The following GALNTL6 variants were observed in gnomAD, a reference collection of about 807,000 sequenced individuals.
GALNTL6 encodes polypeptide N-acetylgalactosaminyltransferase-like 6.
A neutral mutation model predicts 73.7 loss-of-function variants in GALNTL6; 46 were observed. The ratio of observed to expected loss-of-function variants is 0.62; its 90% confidence interval spans 0.49 to 0.80. The LOEUF (loss-of-function observed/expected upper bound fraction) is 0.80. Among genes scored for constraint, GALNTL6 ranks in the 30% least tolerant of loss-of-function variants. The pLI is 0.00. For missense variants in GALNTL6, 604 were observed against 755.0 expected (o/e 0.80, Z 2.34); for synonymous variants, 259 against 263.7 (o/e 0.98, Z 0.17).
chr4:172,492,849 G>A lies in GALNTL6; in HGVS notation c.553+144160G>A, dbSNP rs376096764. Among the ~76,000 whole-genome samples, 7 of 152,156 alleles carry A rather than the reference G, an allele frequency of 4.6e-5. No individual in the cohort carries two copies. The South Asian group carries it at 1.0e-3, about 23-fold the overall frequency. ...ATTTATTAAATAAAAGTCATGGTTG[G>A]GGAAGTACGTTTATCCCAGTGTCTG... On this transcript the variant is annotated intron_variant, in intron 5 of 12. Transcript: ENST00000506823.
intron 5 of GALNTL6, among the ~76,000 whole-genome samples, chr4:172,767,626 C>T (rs1162735734): frequency 1.4e-5 from 2 of 147,118 alleles, no homozygotes; most frequent in Non-Finnish European, 1.5e-5. Context: ...GAAAATAATT[C>T]TAGGGTTGTT....
At chr4:171,836,197 A>G (rs956232439) in intron 2 of GALNTL6, among the ~76,000 whole-genome samples, 1 of 151,992 alleles carries the variant, frequency 6.6e-6, no homozygotes, top group Non-Finnish European at 1.5e-5. Context: ...GCTAGATGAA[A>G]CTATCTATTT....
chr4:172,382,430 C>A (rs1390671384), intron 5 of GALNTL6, among the ~76,000 whole-genome samples: 1 of 151,948 alleles, frequency 6.6e-6, no homozygotes, highest in Non-Finnish European at 1.5e-5. Flanking sequence ...TGTACTCCAG[C>A]CTTTTGCCTA....
At chr4:171,894,366 A>C (rs1356633158) in intron 2 of GALNTL6, among the ~76,000 whole-genome samples, 1 of 152,170 alleles carries the variant, frequency 6.6e-6, no homozygotes, top group Non-Finnish European at 1.5e-5. Flanking sequence ...GTGCATGTTG[A>C]TGCCATTATG....
chr4:172,720,513 C>G (rs1735404390), intron 5 of GALNTL6, among the ~76,000 whole-genome samples: 2 of 152,182 alleles, frequency 1.3e-5, no homozygotes, highest in South Asian at 4.1e-4. Context: ...TTACCCAGCT[C>G]CTATTCAAGA....
rs139984212 is a variant in GALNTL6 at position 171,839,760 on chromosome 4, G to A, written c.138+25042G>A. On this transcript the variant is annotated intron_variant, in intron 2 of 12. Coordinates refer to ENST00000506823, the MANE Select transcript of GALNTL6 (RefSeq NM_001034845.3). ...AAACTAAGTGGATGAAAATTCACAAGCAGAAAGGTGAAACCCAAGATTCCT... is the reference window on the plus strand; with the variant it reads ...AAACTAAGTGGATGAAAATTCACAAACAGAAAGGTGAAACCCAAGATTCCT... 8.4e-3 allele frequency among the ~76,000 whole-genome samples: 1,274 copies of A among 151,956 alleles called. 19 individuals are homozygous for A. The highest frequency in any genetic ancestry group is 0.029 in the African/African-American group (1,222 of 41,468).
intron 5 of GALNTL6, among the ~76,000 whole-genome samples, chr4:172,723,874 AT>A (rs1190544668): frequency 6.6e-6 from 1 of 152,172 alleles, no homozygotes; most frequent in Non-Finnish European, 1.5e-5. Context: ...AAAGAAATAT[AT>A]TTTTGAGCCA....
rs576937012 is a variant in GALNTL6, at chr4:172,873,879, T to G, written c.924-8911T>G. ...AAAAATCCATGCCACATGCAGTAAATTTTTGCTTGATATAAAGTGTCAGGA... is the reference window on the plus strand; with the variant it reads ...AAAAATCCATGCCACATGCAGTAAAGTTTTGCTTGATATAAAGTGTCAGGA... On this transcript the variant is annotated intron_variant, in intron 7 of 12. Transcript: ENST00000506823. 2.8e-4 allele frequency among the ~76,000 whole-genome samples: 42 copies of G among 152,236 alleles called. No homozygotes were observed. The South Asian group carries it at 8.3e-3, about 30-fold the overall frequency.
chr4:172,557,306 A>G (rs1232033917), intron 5 of GALNTL6, among the ~76,000 whole-genome samples: 1 of 152,180 alleles, frequency 6.6e-6, no homozygotes, highest in Non-Finnish European at 1.5e-5. Flanking sequence ...AGCCTTTTAG[A>G]AGAAAACATA....
intron 2 of GALNTL6, among the ~76,000 whole-genome samples, chr4:171,829,613 G>A (rs193250957): frequency 6.1e-4 from 93 of 152,070 alleles, no homozygotes; most frequent in East Asian, 3.3e-3. Context: ...TCTACTTTTC[G>A]TCAAGCGGTC....
chr4:172,544,799 T>A (rs1735688856), intron 5 of GALNTL6, among the ~76,000 whole-genome samples: 3 of 152,206 alleles, frequency 2.0e-5, no homozygotes, highest in Non-Finnish European at 4.4e-5. Context: ...ACTGTGGAAT[T>A]GTATGTGTGA....
intron 2 of GALNTL6, among the ~76,000 whole-genome samples, chr4:172,075,937 T>C (rs1336611645): frequency 1.3e-5 from 2 of 152,234 alleles, no homozygotes. Context: ...ATAGTTTACA[T>C]TGTAGTGTAT....
chr4:172,901,258 G>A (rs1361956996), intron 8 of GALNTL6, among the ~76,000 whole-genome samples: 1 of 152,066 alleles, frequency 6.6e-6, no homozygotes, highest in African/African-American at 2.4e-5. Flanking sequence ...GACATGAATG[G>A]GACAAAGTTA....
At chr4:172,391,683 CATTGGGTG>C (rs769662246) in intron 5 of GALNTL6, among the ~76,000 whole-genome samples, 30 of 115,162 alleles carry the variant, frequency 2.6e-4, no homozygotes, top group Non-Finnish European at 5.5e-4. Flanking sequence ...CTTCTGGTGA[CATTGGGTG>C]ACATTGGGAG....
At chr4:173,016,966 CAGTG>C (rs1009701626) in intron 11 of GALNTL6, among the ~76,000 whole-genome samples, 4 of 152,094 alleles carry the variant, frequency 2.6e-5, no homozygotes, top group African/African-American at 7.2e-5. Context: ...GTTCTCATGA[CAGTG>C]AGTGAGTTCT....
At chr4:171,839,643 A>G (rs942899536) in intron 2 of GALNTL6, among the ~76,000 whole-genome samples, 1 of 151,726 alleles carries the variant, frequency 6.6e-6, no homozygotes, top group Non-Finnish European at 1.5e-5. Flanking sequence ...CTAGACACAG[A>G]AGGGACAGCA....
rs369219302 is a variant in GALNTL6 at position 172,529,863 on chromosome 4, TTTTATTTA to T, written c.553+181204_553+181211del. ...ACCACATCTGGCTAATTTATTTTTATTTTATTTATTTATTTATTTATTTATTTATTTAT... is the reference window on the plus strand; with the variant it reads ...ACCACATCTGGCTAATTTATTTTTATTTTATTTATTTATTTATTTATTTAT... On this transcript the variant is annotated intron_variant, in intron 5 of 12. Transcript: ENST00000506823. Among the ~76,000 whole-genome samples the T allele has an allele frequency of 1.7e-3, 236 of 138,684 alleles. 1 individual carries two copies. Among genetic ancestry groups the T allele is most frequent in the African/African-American group, 6.1e-3 (224 of 36,452 alleles). The allele number at this position is 138,684 out of a possible 152,430, so 91.0% of individuals were successfully genotyped here.
chr4:172,013,962 A>G lies in GALNTL6; in HGVS notation c.138+199244A>G, dbSNP rs546275425. Among the ~76,000 whole-genome samples the G allele has an allele frequency of 3.3e-5, 5 of 151,732 alleles. No homozygotes were observed. The South Asian group carries it at 6.3e-4, about 19-fold the overall frequency. ...TTTTAGCTTCCACAAATAAGTGAGAACATGTAAAGTTTGTCTTTCTGTGCC... is the reference window on the plus strand; with the variant it reads ...TTTTAGCTTCCACAAATAAGTGAGAGCATGTAAAGTTTGTCTTTCTGTGCC... On this transcript the variant is annotated intron_variant, in intron 2 of 12. Coordinates refer to ENST00000506823, the MANE Select transcript of GALNTL6 (RefSeq NM_001034845.3).
At chr4:172,569,695 A>G in intron 5 of GALNTL6, among the ~76,000 whole-genome samples, 1 of 152,214 alleles carries the variant, frequency 6.6e-6, no homozygotes, top group East Asian at 1.9e-4. Context: ...ATAAAGGGAA[A>G]AAAAAGATGC....
Sources: allele counts gnomAD v4.1 joint callset (sites outside exome capture counted in the v4.1 genomes callset), GRCh38; gene constraint gnomAD v4.1.1; transcripts MANE v1.5; gene names NCBI Gene and HGNC (gene_info 2026-07-23, HGNC 2026-07-21).